Variants in NRXN3 observed in about 807,000 individuals in gnomAD.
NRXN3 encodes the protein neurexin 3.
A neutral mutation model predicts 137.6 loss-of-function variants in NRXN3; 32 were observed. The ratio of observed to expected loss-of-function variants is 0.23; its 90% confidence interval spans 0.18 to 0.31. NRXN3 has a LOEUF of 0.31. Among genes scored for constraint, NRXN3 ranks in the 10% least tolerant of loss-of-function variants. The probability of loss-of-function intolerance (pLI) is 1.00; values close to 1 mark genes in which losing one functional copy is unlikely to be tolerated. For synonymous variants in NRXN3, 798 were observed against 784.5 expected, an observed-to-expected ratio of 1.02 and a Z score of -0.29; for missense variants, 1,574 against 2,062.5, an observed-to-expected ratio of 0.76 and a Z score of 4.59.
intron 19 of NRXN3, among the ~76,000 whole-genome samples, chr14:79,747,653 C>G (rs1172173555): frequency 6.6e-6 from 1 of 152,062 alleles, no homozygotes; most frequent in East Asian, 1.9e-4. Context: ...ACCAATGTGT[C>G]TAATAATCTA....
intron 15 of NRXN3, among the ~76,000 whole-genome samples, chr14:79,291,040 T>A (rs1488050737): frequency 6.6e-6 from 1 of 152,172 alleles, no homozygotes; most frequent in East Asian, 1.9e-4. Context: ...AGAGAGAGGA[T>A]CCTGTGATTT....
At chr14:79,172,873 G>A (rs1596793917) in intron 15 of NRXN3, among the ~76,000 whole-genome samples, 3 of 152,252 alleles carry the variant, frequency 2.0e-5, no homozygotes, top group Admixed American at 2.0e-4. Flanking sequence ...TGAAAAGTGG[G>A]CAAATAGATT....
chr14:79,643,312 A>T (rs1286192199), intron 16 of NRXN3, among the ~76,000 whole-genome samples: 1 of 135,452 alleles, frequency 7.4e-6, no homozygotes, highest in Non-Finnish European at 1.7e-5. Flanking sequence ...TCAGAGGAAA[A>T]ATTTGCTTAT....
At chr14:78,642,748 G>A (rs1378451057) in intron 4 of NRXN3, among the ~76,000 whole-genome samples, 1 of 152,180 alleles carries the variant, frequency 6.6e-6, no homozygotes, top group South Asian at 2.1e-4. Flanking sequence ...TAACAAAGAC[G>A]ATTCTTCAGA....
At chr14:79,713,478 G>GTATATATATATATA (rs76633474) in intron 19 of NRXN3, among the ~76,000 whole-genome samples, 20 of 135,358 alleles carry the variant, frequency 1.5e-4, no homozygotes, top group African/African-American at 4.9e-4. Flanking sequence ...TATATATAAT[G>GTATATATATATATA]TATATATATA....
chr14:78,285,357 A>T (rs2075030100), intron 3 of NRXN3, among the ~76,000 whole-genome samples: 1 of 152,184 alleles, frequency 6.6e-6, no homozygotes. Flanking sequence ...CTTGTATTTT[A>T]AGCCAGGCAT....
At chr14:79,780,458 A>AATT in intron 19 of NRXN3, among the ~76,000 whole-genome samples, 1 of 151,892 alleles carries the variant, frequency 6.6e-6, no homozygotes, top group East Asian at 2.0e-4. Flanking sequence ...AAAAAAACAA[A>AATT]ATTAGCCAGG....
At chr14:78,254,834 CT>C (rs1484641834) in intron 2 of NRXN3, among the ~76,000 whole-genome samples, 1 of 151,888 alleles carries the variant, frequency 6.6e-6, no homozygotes, top group Non-Finnish European at 1.5e-5. Context: ...TATTTTTTTT[CT>C]TTTCTTTTCT....
intron 4 of NRXN3, among the ~76,000 whole-genome samples, chr14:78,335,850 T>G (rs984035519): frequency 2.6e-5 from 4 of 152,148 alleles, no homozygotes; most frequent in African/African-American, 7.2e-5. Flanking sequence ...GCACAGGCAG[T>G]CAGGTGAGGC....
At chr14:79,463,795 C>T (rs540075208) in intron 15 of NRXN3, among the ~76,000 whole-genome samples, 2 of 151,992 alleles carry the variant, frequency 1.3e-5, no homozygotes, top group South Asian at 2.1e-4. Flanking sequence ...ATCAGAAGTA[C>T]GAGGCTCAGG....
intron 10 of NRXN3, among the ~76,000 whole-genome samples, chr14:78,860,870 G>A (rs1435967692): frequency 6.6e-6 from 1 of 151,920 alleles, no homozygotes; most frequent in Non-Finnish European, 1.5e-5. Flanking sequence ...GAGGTGGAAG[G>A]AGAGGCGAAG....
chr14:78,190,652 T>TTATTTAC (rs2060636389), intron 1 of NRXN3, among the ~76,000 whole-genome samples: 6 of 67,432 alleles, frequency 8.9e-5, no homozygotes, highest in Admixed American at 1.3e-4. Flanking sequence ...TATTTATTTA[T>TTATTTAC]TTACTTACTT....
intron 15 of NRXN3, among the ~76,000 whole-genome samples, chr14:79,079,703 A>C (rs568670300): frequency 9.2e-4 from 140 of 152,268 alleles, no homozygotes; most frequent in African/African-American, 2.6e-3. Flanking sequence ...AAAAAGAAAA[A>C]GTCGGGCAGG....
At chr14:78,541,098 G>C (rs2096585040) in intron 4 of NRXN3, among the ~76,000 whole-genome samples, 1 of 151,968 alleles carries the variant, frequency 6.6e-6, no homozygotes, top group South Asian at 2.1e-4. Flanking sequence ...TATGTGTCTG[G>C]GGTTGCTCTT....
chr14:79,602,620 A>C (rs1373627017), intron 16 of NRXN3, among the ~76,000 whole-genome samples: 1 of 152,184 alleles, frequency 6.6e-6, no homozygotes, highest in African/African-American at 2.4e-5. Flanking sequence ...GTGAGATGGG[A>C]ATTTATCAAG....
At chr14:78,204,625 CTA>C (rs2062008486) in intron 1 of NRXN3, among the ~76,000 whole-genome samples, 1 of 151,708 alleles carries the variant, frequency 6.6e-6, no homozygotes, top group Admixed American at 6.6e-5. Flanking sequence ...AAGCTATAAA[CTA>C]TGTATATTAT....
Position 79,617,406 on chromosome 14 carries a change from A to T in NRXN3, c.3445-46372A>T, listed in dbSNP as rs183519886. 3.3e-5 allele frequency among the ~76,000 whole-genome samples: 5 copies of T among 151,542 alleles called. No individual in the cohort carries two copies. In the East Asian group the frequency reaches 9.6e-4, roughly 29 times the overall value. On this transcript the variant is annotated intron_variant, in intron 16 of 20. Coordinates refer to ENST00000335750, the MANE Select transcript of NRXN3 (RefSeq NM_001330195.2). ...GATCAATTTCACCAATTATCTCACC[A>T]TCTTTTTAGAAGCTAATTCATTTTG...
intron 15 of NRXN3, among the ~76,000 whole-genome samples, chr14:79,063,290 T>A (rs982968675): frequency 6.6e-6 from 1 of 152,106 alleles, no homozygotes; most frequent in African/African-American, 2.4e-5. Flanking sequence ...TTGTTTTTTG[T>A]TTTTGTTTTT....
chr14:79,633,113 A>G (rs1477408748), intron 16 of NRXN3, among the ~76,000 whole-genome samples: 1 of 152,156 alleles, frequency 6.6e-6, no homozygotes, highest in Non-Finnish European at 1.5e-5. Flanking sequence ...TCTGTAGTCC[A>G]TTCTGTTCAA....
Sources: allele counts gnomAD v4.1 joint callset (sites outside exome capture counted in the v4.1 genomes callset), GRCh38; gene constraint gnomAD v4.1.1; transcripts MANE v1.5; gene names NCBI Gene and HGNC (gene_info 2026-07-23, HGNC 2026-07-21).